The following NUP210L variants were observed in gnomAD, a reference collection of about 807,000 sequenced individuals.
NUP210L encodes the protein nuclear pore membrane glycoprotein 210-like.
A neutral mutation model predicts 208.5 loss-of-function variants in NUP210L; 74 were observed. The observed-to-expected ratio is 0.35, with a 90% CI of 0.29 to 0.43. The LOEUF (loss-of-function observed/expected upper bound fraction) is 0.43, where lower values mean the gene tolerates loss of function less well. NUP210L is among the 20% of genes least tolerant of loss of function. The pLI is 1.00. For synonymous variants in NUP210L, 780 were observed against 816.9 expected, an observed-to-expected ratio of 0.95 and a Z score of 0.77; for missense variants, 1,843 against 2,289.4, an observed-to-expected ratio of 0.81 and a Z score of 3.98.
At chr1:154,051,900 T>A (rs1036301327) in intron 25 of NUP210L, among the ~76,000 whole-genome samples, 5 of 152,246 alleles carry the variant, frequency 3.3e-5, no homozygotes, top group African/African-American at 1.2e-4. Flanking sequence ...AAGCTCTAGC[T>A]ACATTTTTCT....
chr1:154,089,540 C>T lies in NUP210L; in HGVS notation c.2242G>A (p.Val748Ile), dbSNP rs756909316. The T allele has an allele frequency of 6.2e-7, 1 of 1,614,164 alleles. No individual in the cohort carries two copies. Among genetic ancestry groups the T allele is most frequent in the Non-Finnish European group, 8.5e-7 (1 of 1,180,008 alleles). Residue 748 changes from valine to isoleucine, a missense_variant, in exon 16 of 40, where the codon GTA becomes ATA. Val to Ile is a conservative substitution (Grantham distance 29). Transcript: ENST00000368559. The stretch of plus-strand genomic sequence containing the variant: ...ATGAAGCGAACCTGCAAAACCTCTA[C>T]AGCTGGACTAGGGTTCAGGACACCT...
At chr1:154,089,616 A>G (rs1317352636) in intron 15 of NUP210L, 22 bp from the exon 16 acceptor site, 3 of 1,607,396 alleles carry the variant, frequency 1.9e-6, no homozygotes, top group Non-Finnish European at 2.6e-6. Context: ...TCACAGAGCA[A>G]GAGATAATTG....
chr1:154,036,056 C>T (rs1652525527), intron 27 of NUP210L, among the ~76,000 whole-genome samples: 3 of 150,822 alleles, frequency 2.0e-5, no homozygotes, highest in African/African-American at 2.5e-5. Context: ...CTTAGTACTG[C>T]TTTCACTGTA....
chr1:154,101,878 G>T (rs1044049388), intron 13 of NUP210L, among the ~76,000 whole-genome samples: 2 of 152,164 alleles, frequency 1.3e-5, no homozygotes, highest in African/African-American at 4.8e-5. Context: ...AGCCGGGCAT[G>T]GTGGCTCACG....
intron 10 of NUP210L, among the ~76,000 whole-genome samples, chr1:154,125,922 C>T (rs886551789): frequency 2.7e-5 from 4 of 150,936 alleles, no homozygotes; most frequent in Non-Finnish European, 4.4e-5. Flanking sequence ...CGCCCGCCAC[C>T]GCGCCCGGCT....
intron 23 of NUP210L, among the ~76,000 whole-genome samples, chr1:154,056,120 C>T (rs1468100923): frequency 2.0e-5 from 3 of 152,172 alleles, no homozygotes; most frequent in African/African-American, 7.2e-5. Flanking sequence ...TTTCATTTAA[C>T]ACCTTTAAAA....
chr1:154,023,420 A>T, intron 30 of NUP210L, 123 bp from the exon 31 acceptor site: 1 of 726,074 alleles, frequency 1.4e-6, no homozygotes, highest in Admixed American at 3.2e-5. Flanking sequence ...ATAGCTTTTG[A>T]TGTGAGATGA....
At chr1:154,026,071 A>C (rs950581486) in intron 29 of NUP210L, among the ~76,000 whole-genome samples, 4 of 151,518 alleles carry the variant, frequency 2.6e-5, no homozygotes, top group African/African-American at 9.7e-5. Context: ...AAAAATACAA[A>C]AAAAAAAAAA....
At chr1:154,135,909 C>G (rs1164672692) in exon 7 of NUP210L, 10 of 1,605,674 alleles carry the variant, frequency 6.2e-6, no homozygotes, top group Non-Finnish European at 8.5e-6. Context: ...AGAATGAGAC[C>G]CGTTAAGTGC....
intron 29 of NUP210L, 54 bp downstream of exon 29, chr1:154,027,452 C>T: frequency 7.9e-7 from 1 of 1,257,972 alleles, no homozygotes; most frequent in African/African-American, 1.5e-5. Context: ...CAATGTTTTA[C>T]TGAAAATACT....
intron 2 of NUP210L, among the ~76,000 whole-genome samples, chr1:154,146,331 A>G (rs1288906376): frequency 1.3e-5 from 2 of 152,178 alleles, no homozygotes; most frequent in Non-Finnish European, 2.9e-5. Flanking sequence ...TTAACTGGGA[A>G]GAAGTTGTTT....
At chr1:154,086,897 A>G (rs1043156384) in intron 16 of NUP210L, among the ~76,000 whole-genome samples, 3 of 152,218 alleles carry the variant, frequency 2.0e-5, no homozygotes, top group Non-Finnish European at 4.4e-5. Context: ...ACTTGTATGT[A>G]GACTATATGA....
At chr1:154,047,727 G>A (rs767236610) in intron 25 of NUP210L, among the ~76,000 whole-genome samples, 31 of 152,096 alleles carry the variant, frequency 2.0e-4, no homozygotes, top group Non-Finnish European at 3.8e-4. Context: ...CTCTGTTCAT[G>A]GCTCTCAGCT....
exon 8 of NUP210L, chr1:154,129,304 T>C (rs1465105654): frequency 6.2e-7 from 1 of 1,610,244 alleles, no homozygotes; most frequent in East Asian, 2.2e-5. Flanking sequence ...ACAACATATA[T>C]GGTGCAATTT....
At chr1:154,052,782 G>T (rs969557863) in intron 25 of NUP210L, among the ~76,000 whole-genome samples, 1 of 152,178 alleles carries the variant, frequency 6.6e-6, no homozygotes, top group African/African-American at 2.4e-5. Flanking sequence ...GTACTTGTTT[G>T]GGAAGATTGC....
At chr1:154,030,740 G>T (rs1022008299) in intron 27 of NUP210L, among the ~76,000 whole-genome samples, 3 of 149,800 alleles carry the variant, frequency 2.0e-5, no homozygotes, top group East Asian at 2.0e-4. Flanking sequence ...ACCTTTTTTG[G>T]TTTTTTTTTG....
intron 17 of NUP210L, among the ~76,000 whole-genome samples, chr1:154,068,968 A>C (rs899932376): frequency 7.9e-5 from 12 of 152,146 alleles, no homozygotes; most frequent in African/African-American, 2.9e-4. Context: ...TAAAACTTAA[A>C]GTATAATAAT....
intron 15 of NUP210L, among the ~76,000 whole-genome samples, chr1:154,089,929 T>C (rs1222575817): frequency 1.3e-5 from 2 of 151,930 alleles, no homozygotes; most frequent in Non-Finnish European, 1.5e-5. Flanking sequence ...ATCTAAAAAT[T>C]AGCCAGGCAT....
intron 16 of NUP210L, among the ~76,000 whole-genome samples, chr1:154,076,005 T>C (rs1655012133): frequency 6.6e-6 from 1 of 151,794 alleles, no homozygotes; most frequent in Non-Finnish European, 1.5e-5. Flanking sequence ...CTCAGGCTGG[T>C]CTCGAATTCC....
Sources: allele counts gnomAD v4.1 joint callset (sites outside exome capture counted in the v4.1 genomes callset), GRCh38; gene constraint gnomAD v4.1.1; transcripts MANE v1.5; gene names NCBI Gene and HGNC (gene_info 2026-07-23, HGNC 2026-07-21).